The following USP14 variants were observed in gnomAD, a reference collection of about 807,000 sequenced individuals.
The protein encoded by USP14 is ubiquitin carboxyl-terminal hydrolase 14.
USP14 carries 38 observed loss-of-function variants against 76.5 expected under a neutral mutation model. That is an observed-to-expected ratio of 0.50 (90% CI 0.38 to 0.65). The LOEUF (loss-of-function observed/expected upper bound fraction) is 0.65. Ranked by LOEUF, USP14 falls within the 30% of genes least tolerant of loss-of-function variation. USP14 has a pLI of 0.00. For synonymous variants in USP14, 192 were observed against 191.7 expected, an observed-to-expected ratio of 1.00 and a Z score of -0.01; for missense variants, 467 against 586.5, an observed-to-expected ratio of 0.80 and a Z score of 2.10.
At position 196,750 on chromosome 18, in the gene USP14, G is replaced by C. The variant is rs1250894476; in HGVS notation, c.577G>C (p.Gly193Arg). ...FPQFAEKGEQGQYLQQDANEC... is the reference protein window; with the variant it reads ...FPQFAEKGEQRQYLQQDANEC... Reference sequence around the variant, plus strand: ...ACAGTTTGCCGAGAAAGGTGAACAAGGACAGTATCTTCAACAGGTAATTAG... The same window carrying C: ...ACAGTTTGCCGAGAAAGGTGAACAACGACAGTATCTTCAACAGGTAATTAG... Residue 193 changes from glycine to arginine, a missense_variant, in exon 7 of 16, where the codon GGA becomes CGA. Gly to Arg is a moderately radical substitution (Grantham distance 125, BLOSUM62 -2). Transcript: ENST00000261601. 1.9e-6 allele frequency: 3 copies of C among 1,613,920 alleles called. No homozygotes were observed. The highest frequency in any genetic ancestry group is 2.5e-6 in the Non-Finnish European group (3 of 1,179,948).
In USP14 at chr18:178,007, T is replaced by C. The variant is rs7231900; in HGVS notation, c.196-926T>C. On this transcript the variant is annotated intron_variant, in intron 3 of 15. Transcript: ENST00000261601. ...ATTCACAGAAATAATTTTATTAGTG[T>C]TTGTTTGTTTGTTTGTTTGTTATAT... Among the ~76,000 whole-genome samples, 694 of 150,872 alleles carry C rather than the reference T, an allele frequency of 4.6e-3. 2 individuals carry two copies. Among genetic ancestry groups the C allele is most frequent in the African/African-American group, 0.016 (665 of 40,772 alleles).
chr18:172,492 G>C (rs1041514192), intron 3 of USP14, among the ~76,000 whole-genome samples: 1 of 152,210 alleles, frequency 6.6e-6, no homozygotes, highest in Admixed American at 6.5e-5. Flanking sequence ...TTCGAAAGAA[G>C]TCCTACTGTG....
rs948082672 is a variant in USP14, at chr18:190,725, A to G, written c.405-2117A>G. On this transcript the variant is annotated intron_variant, in intron 5 of 15. Transcript: ENST00000261601. ...TAATTTTATTATGTTCTGATTTTCT[A>G]TATCATTACTTTTTATTTATTGACT... is the stretch of plus-strand genomic sequence containing the variant. Among the ~76,000 whole-genome samples the G allele has an allele frequency of 5.9e-5, 9 of 152,266 alleles. No homozygotes were observed. The South Asian group carries it at 1.4e-3, about 25-fold the overall frequency.
chr18:180,080 A>G (rs964453468), intron 4 of USP14, among the ~76,000 whole-genome samples, 156 bp from the exon 5 acceptor site: 1 of 147,114 alleles, frequency 6.8e-6, no homozygotes, highest in Non-Finnish European at 1.5e-5. Flanking sequence ...GGGGGAAATA[A>G]AACTGTTTCT....
chr18:200,138 G>A (rs1189504204), intron 10 of USP14, among the ~76,000 whole-genome samples: 7 of 152,140 alleles, frequency 4.6e-5, no homozygotes, highest in Admixed American at 6.5e-5. Flanking sequence ...CTCAAGAAAT[G>A]TTTGTTGAAT....
chr18:204,448 CAG>C, intron 12 of USP14, 114 bp from the exon 13 acceptor site: 1 of 973,608 alleles, frequency 1.0e-6, no homozygotes, highest in South Asian at 2.3e-5. Context: ...GTGATTTTCA[CAG>C]ATTTTATTTT....
At chr18:198,745 T>C (rs1352936066) in intron 9 of USP14, among the ~76,000 whole-genome samples, 1 of 152,124 alleles carries the variant, frequency 6.6e-6, no homozygotes, top group Non-Finnish European at 1.5e-5. Flanking sequence ...TTCTTATATG[T>C]CAAGGTGACT....
intron 12 of USP14, among the ~76,000 whole-genome samples, chr18:203,755 G>A (rs368933428): frequency 1.9e-4 from 29 of 152,084 alleles, no homozygotes; most frequent in African/African-American, 4.8e-4. Flanking sequence ...GACTACAGGC[G>A]CCCGCCACCG....
chr18:210,451 A>G lies in USP14; in HGVS notation c.1291A>G (p.Ser431Gly). Residue 431 changes from serine (S) to glycine (G), a missense_variant, in exon 15 of 16, where the codon AGT becomes GGT. Coordinates refer to ENST00000261601, the MANE Select transcript of USP14 (RefSeq NM_005151.4). ...QAVLTHQGRS[S>G]SSGHYVSWVK... The stretch of plus-strand genomic sequence containing the variant: ...AGTACTAACACACCAGGGAAGGTCT[A>G]GTTCTTCAGGTCATTATGTATCATG... 2 of 1,612,216 alleles carry G rather than the reference A, an allele frequency of 1.2e-6. No individual in the cohort carries two copies. Among genetic ancestry groups the G allele is most frequent in the Non-Finnish European group, 1.7e-6 (2 of 1,179,016 alleles).
In USP14 at chr18:197,642, G is replaced by A; in HGVS notation, c.621G>A (p.Met207Ile). Reference sequence around the variant, plus strand: ...ATGCTAATGAATGTTGGATACAAATGATGCGAGTATTGCAACAGAAATTGG... The same window carrying A: ...ATGCTAATGAATGTTGGATACAAATAATGCGAGTATTGCAACAGAAATTGG... Reference protein sequence around the residue: ...QQDANECWIQMMRVLQQKLEA... With the variant: ...QQDANECWIQIMRVLQQKLEA... The change falls in exon 8 of 16, where the codon ATG becomes ATA. Residue 207 changes from methionine to isoleucine, a missense_variant. Met to Ile is a conservative substitution (Grantham distance 10). Transcript: ENST00000261601. 1.2e-6 allele frequency: 2 copies of A among 1,612,266 alleles called. No individual in the cohort carries two copies. The highest frequency in any genetic ancestry group is 1.7e-6 in the Non-Finnish European group (2 of 1,179,004).
At chr18:172,844 G>A (rs752974470) in intron 3 of USP14, among the ~76,000 whole-genome samples, 2 of 152,066 alleles carry the variant, frequency 1.3e-5, no homozygotes, top group Non-Finnish European at 2.9e-5. Flanking sequence ...ATTTTTGTGT[G>A]ACTTGCTTTA....
chr18:213,963 A>AAGATAGATTAGATAGATAGAT lies in USP14; in HGVS notation c.*2687_*2688insTAGATAGATAGATAGATAGAT, dbSNP rs397972792. The AAGATAGATTAGATAGATAGAT allele has an allele frequency of 1.4e-5, 2 of 142,038 alleles. No individual in the cohort carries two copies. The highest frequency in any genetic ancestry group is 3.1e-5 in the Non-Finnish European group (2 of 64,664). 8.8% of individuals were successfully genotyped at this position (142,038 alleles called of 1,614,324 possible). A position where few individuals can be genotyped will look rare whatever the true frequency, so the allele number is the denominator to read the frequency against. On this transcript the variant is annotated 3_prime_UTR_variant, in exon 16 of 16. Transcript: ENST00000261601. ...CAAACAAACATTTTCTGTAATGGAC[A>AAGATAGATTAGATAGATAGAT]AGATAGATAGATTAGATAGATAGAT...
intron 10 of USP14, among the ~76,000 whole-genome samples, chr18:201,690 G>T (rs1271111060): frequency 6.6e-6 from 1 of 152,194 alleles, no homozygotes; most frequent in Non-Finnish European, 1.5e-5. Flanking sequence ...GTGTTAACTG[G>T]AGAGTGTGGA....
At chr18:178,071 A>G (rs565587614) in intron 3 of USP14, among the ~76,000 whole-genome samples, 7 of 152,210 alleles carry the variant, frequency 4.6e-5, no homozygotes, top group Admixed American at 4.6e-4. Context: ...GCAGGCTGGA[A>G]TGCAAGTGGT....
intron 12 of USP14, among the ~76,000 whole-genome samples, chr18:204,315 G>A (rs1453417631): frequency 6.6e-6 from 1 of 151,986 alleles, no homozygotes; most frequent in African/African-American, 2.4e-5. Flanking sequence ...TCTGTGGTTA[G>A]TTTTGTGGGT....
chr18:212,826 A>AAAG lies in USP14; in HGVS notation c.*1543_*1545dup, dbSNP rs1491579275. The AAAG allele has an allele frequency of 2.0e-5, 3 of 152,316 alleles. No homozygotes were observed. The highest frequency in any genetic ancestry group is 4.1e-4 in the South Asian group (2 of 4,828). The allele number at this position is 152,316 out of a possible 1,614,324, so 9.4% of individuals were successfully genotyped here. On this transcript the variant is annotated 3_prime_UTR_variant, in exon 16 of 16. Transcript: ENST00000261601. ...GCTCTGATTTTGAGTTATTTATAAT[A>AAAG]AAGTTTGGGGATTATCATAACATCT...
chr18:197,065 C>G lies in USP14; in HGVS notation c.594+298C>G, dbSNP rs184862776. ...TACCGCAGTCCTAAATCCTCTAGCC[C>G]CTGGCTTTCTCTCTGAGTTCATCAC... is the stretch of plus-strand genomic sequence containing the variant. On this transcript the variant is annotated intron_variant, in intron 7 of 15. Transcript: ENST00000261601. 2.5e-3 allele frequency among the ~76,000 whole-genome samples: 382 copies of G among 152,322 alleles called. 4 individuals are homozygous for G. The highest frequency in any genetic ancestry group is 8.4e-3 in the African/African-American group (349 of 41,582).
chr18:177,729 G>A (rs1023823541), intron 3 of USP14, among the ~76,000 whole-genome samples: 1 of 150,962 alleles, frequency 6.6e-6, no homozygotes, highest in Non-Finnish European at 1.5e-5. Context: ...AAGAGAGTAA[G>A]ATGTTATTCA....
At position 211,396 on chromosome 18, in the gene USP14, T is replaced by C; in HGVS notation, c.*112T>C. On this transcript the variant is annotated 3_prime_UTR_variant, in exon 16 of 16. Transcript: ENST00000261601. ...ATAGGTGGGTTTATGTTTCACCTCA[T>C]TTGGAACAAAAGAGGACAGAAGCAG... 1 of 1,190,502 alleles carries C rather than the reference T, an allele frequency of 8.4e-7. No individual in the cohort carries two copies. The highest frequency in any genetic ancestry group is 1.2e-6 in the Non-Finnish European group (1 of 867,300). The allele number at this position is 1,190,502 out of a possible 1,614,324, so 73.7% of individuals were successfully genotyped here.
Sources: gnomAD v4.1 joint callset for allele counts (sites outside exome capture counted in the v4.1 genomes callset) on GRCh38, gnomAD v4.1.1 for gene constraint, MANE v1.5 for transcripts, NCBI Gene and HGNC (gene_info 2026-07-23, HGNC 2026-07-21) for gene names.